Variants in ZNF793 observed in about 807,000 individuals in gnomAD.
ZNF793 encodes zinc finger protein 793.
ZNF793 carries 5 observed loss-of-function variants against 12.4 expected under a neutral mutation model. The ratio of observed to expected loss-of-function variants is 0.40; its 90% CI spans 0.21 to 0.84. ZNF793 has a LOEUF of 0.84. Ranked by LOEUF, ZNF793 falls within the 40% of genes least tolerant of loss-of-function variation. ZNF793 has a pLI of 0.35. For synonymous variants in ZNF793, 162 were observed against 172.4 expected, an observed-to-expected ratio of 0.94 and a Z score of 0.47; for missense variants, 456 against 495.0, an observed-to-expected ratio of 0.92 and a Z score of 0.75.
At position 37,538,914 on chromosome 19, in the gene ZNF793, T is replaced by G. The variant is rs961651952; in HGVS notation, c.*1035T>G. On this transcript the variant is annotated 3_prime_UTR_variant, in exon 8 of 8. Coordinates refer to ENST00000627814, the MANE Select transcript of ZNF793 (RefSeq NM_001013659.3). ...TGCCATTCAGAAAACTTTTCCACTT[T>G]AAATATCATCATTGTCTTTTGATGT... The G allele has an allele frequency of 6.6e-6, 1 of 152,228 alleles. No individual in the cohort carries two copies. Among genetic ancestry groups the G allele is most frequent in the Non-Finnish European group, 1.5e-5 (1 of 68,044 alleles). 9.4% of individuals were successfully genotyped at this position (152,228 alleles called of 1,614,324 possible).
chr19:37,533,183 T>G, intron 6 of ZNF793, 125 bp from the exon 7 acceptor site: 1 of 715,140 alleles, frequency 1.4e-6, no homozygotes, highest in South Asian at 1.8e-5. Flanking sequence ...CATTTGGTTC[T>G]GGACAAGGTG....
Position 37,542,688 on chromosome 19 carries a change from T to G in ZNF793, c.*4809T>G, listed in dbSNP as rs972191849. ...GGTGGACAAATTAAAACTATGCTAG[T>G]GGACTTGAGTGGAATTCCACAATGT... On this transcript the variant is annotated 3_prime_UTR_variant, in exon 8 of 8. Coordinates refer to ENST00000627814, the MANE Select transcript of ZNF793 (RefSeq NM_001013659.3). 5.6e-6 allele frequency: 1 copy of G among 177,006 alleles called. No individual in the cohort carries two copies. Among genetic ancestry groups the G allele is most frequent in the Non-Finnish European group, 1.2e-5 (1 of 81,438 alleles). 11.0% of individuals were successfully genotyped at this position (177,006 alleles called of 1,614,324 possible).
intron 2 of ZNF793, among the ~76,000 whole-genome samples, chr19:37,511,626 G>T (rs960557067): frequency 6.6e-6 from 1 of 152,148 alleles, no homozygotes; most frequent in African/African-American, 2.4e-5. Flanking sequence ...AGCTGAGATT[G>T]CACCACTGCA....
At chr19:37,518,459 T>TAA (rs1179462865) in intron 2 of ZNF793, among the ~76,000 whole-genome samples, 1 of 151,930 alleles carries the variant, frequency 6.6e-6, no homozygotes, top group Non-Finnish European at 1.5e-5. Context: ...TGCCTTGTGT[T>TAA]CCATTCTGTG....
rs1286435241 is a variant in ZNF793 at position 37,542,093 on chromosome 19, GAAAT to G, written c.*4215_*4218del. The G allele has an allele frequency of 6.5e-6, 1 of 153,436 alleles. No individual in the cohort carries two copies. The highest frequency in any genetic ancestry group is 2.4e-5 in the African/African-American group (1 of 41,444). 9.5% of individuals were successfully genotyped at this position (153,436 alleles called of 1,614,324 possible). A position where few individuals can be genotyped will look rare whatever the true frequency, so the allele number is the denominator to read the frequency against. Reference sequence around the variant, plus strand: ...ACAATGCAAATTACTGTTTTGGAAAGAAATCTGGTAATATTTAGGCTGGGCGTGG... The same window carrying G: ...ACAATGCAAATTACTGTTTTGGAAAGCTGGTAATATTTAGGCTGGGCGTGG... On this transcript the variant is annotated 3_prime_UTR_variant, in exon 8 of 8. Coordinates refer to ENST00000627814, the MANE Select transcript of ZNF793 (RefSeq NM_001013659.3).
intron 3 of ZNF793, among the ~76,000 whole-genome samples, chr19:37,521,953 A>T (rs1232229368): frequency 6.6e-6 from 1 of 152,096 alleles, no homozygotes; most frequent in African/African-American, 2.4e-5. Flanking sequence ...ACTACTTAAG[A>T]CTAACTTGCA....
chr19:37,537,676 C>T lies in ZNF793; in HGVS notation c.1018C>T (p.Arg340Cys), dbSNP rs751883374. ...AATGCACACAGGAGAAAGACCGTAT[C>T]GTTGCAGAGAATGTGGAAAATCCTT... ...RKMHTGERPY[R>C]CRECGKSFSQ... The change falls in exon 8 of 8, where the codon CGT becomes TGT. Residue 340 changes from arginine to cysteine, a missense_variant. Arg to Cys is a radical substitution (Grantham distance 180). Transcript: ENST00000627814. 2.4e-5 allele frequency: 39 copies of T among 1,613,464 alleles called. No individual in the cohort carries two copies. Among genetic ancestry groups the T allele is most frequent in the Admixed American group, 5.0e-5 (3 of 59,972 alleles).
intron 5 of ZNF793, among the ~76,000 whole-genome samples, chr19:37,529,994 T>C (rs62111483): frequency 2.6e-5 from 4 of 151,904 alleles, no homozygotes; most frequent in Non-Finnish European, 5.9e-5. Flanking sequence ...TTCTTGGGTG[T>C]TTCTCGGTGA....
chr19:37,537,078 C>A lies in ZNF793; in HGVS notation c.420C>A (p.Asn140Lys). The change falls in exon 8 of 8, where the codon AAC becomes AAA. Residue 140 changes from asparagine to lysine, a missense_variant. Asn to Lys is a moderately conservative substitution (Grantham distance 94, BLOSUM62 0). Coordinates refer to ENST00000627814, the MANE Select transcript of ZNF793 (RefSeq NM_001013659.3). ...CAATCCAGAGCCCTAGTAACTGGAA[C>A]CCTTGTGGAAAGAATTTGAACCATA... ...FSSIQSPSNWNPCGKNLNHNL... is the reference protein window; with the variant it reads ...FSSIQSPSNWKPCGKNLNHNL... 6.2e-7 allele frequency: 1 copy of A among 1,613,700 alleles called. No homozygotes were observed. The highest frequency in any genetic ancestry group is 8.5e-7 in the Non-Finnish European group (1 of 1,179,762).
chr19:37,529,949 G>A (rs1235029598), intron 5 of ZNF793, among the ~76,000 whole-genome samples: 3 of 151,916 alleles, frequency 2.0e-5, no homozygotes, highest in Non-Finnish European at 2.9e-5. Flanking sequence ...GGAGGATCCC[G>A]CCAGCCTCTG....
At chr19:37,513,259 A>G (rs890562755) in intron 2 of ZNF793, among the ~76,000 whole-genome samples, 3 of 152,202 alleles carry the variant, frequency 2.0e-5, no homozygotes, top group Non-Finnish European at 4.4e-5. Flanking sequence ...TTCATCCACT[A>G]GAGTTAGTAT....
rs2042554830 is a variant in ZNF793, at chr19:37,541,977, A to C, written c.*4098A>C. ...TAGTCACTGGGGGATGCAGATTTAAAGTTAAAATCAAATAACACTGTGTAA... is the reference window on the plus strand; with the variant it reads ...TAGTCACTGGGGGATGCAGATTTAACGTTAAAATCAAATAACACTGTGTAA... On this transcript the variant is annotated 3_prime_UTR_variant, in exon 8 of 8. Coordinates refer to ENST00000627814, the MANE Select transcript of ZNF793 (RefSeq NM_001013659.3). The C allele has an allele frequency of 6.6e-6, 1 of 152,392 alleles. No individual in the cohort carries two copies. The highest frequency in any genetic ancestry group is 2.1e-4 in the South Asian group (1 of 4,840). The allele number at this position is 152,392 out of a possible 1,614,324, so 9.4% of individuals were successfully genotyped here. A position where few individuals can be genotyped will look rare whatever the true frequency, so the allele number is the denominator to read the frequency against.
intron 2 of ZNF793, among the ~76,000 whole-genome samples, chr19:37,511,022 C>T (rs1263390070): frequency 6.6e-6 from 1 of 151,996 alleles, no homozygotes; most frequent in African/African-American, 2.4e-5. Flanking sequence ...AAAATTGAGG[C>T]ATAATACACA....
At chr19:37,513,217 A>G (rs1396498595) in intron 2 of ZNF793, among the ~76,000 whole-genome samples, 1 of 152,168 alleles carries the variant, frequency 6.6e-6, no homozygotes, top group East Asian at 1.9e-4. Context: ...TTGTAGAGAG[A>G]TATTTTGAGA....
intron 5 of ZNF793, among the ~76,000 whole-genome samples, chr19:37,530,893 TTC>T (rs1349815496): frequency 6.6e-6 from 1 of 152,254 alleles, no homozygotes; most frequent in Non-Finnish European, 1.5e-5. Flanking sequence ...CCTCTATTTC[TTC>T]TTTCCTCTCT....
rs2042547498 is a variant in ZNF793, at chr19:37,540,854, C to T, written c.*2975C>T. The T allele has an allele frequency of 6.6e-6, 1 of 151,728 alleles. No homozygotes were observed. The highest frequency in any genetic ancestry group is 2.4e-5 in the African/African-American group (1 of 41,302). 9.4% of individuals were successfully genotyped at this position (151,728 alleles called of 1,614,324 possible). A position where few individuals can be genotyped will look rare whatever the true frequency, so the allele number is the denominator to read the frequency against. On this transcript the variant is annotated 3_prime_UTR_variant, in exon 8 of 8. Coordinates refer to ENST00000627814, the MANE Select transcript of ZNF793 (RefSeq NM_001013659.3). ...TTTATATGTACTTCTTTTGGAATTA[C>T]ACTAAATCTCAATGATTTTTTGACA... is the stretch of plus-strand genomic sequence containing the variant.
In ZNF793 at chr19:37,533,499, C is replaced by T. The variant is rs1202172376; in HGVS notation, c.238+96C>T. ...TTCTCTTAAAAGCCTTGAAAGTCCT[C>T]CGAGAGCTTCAGCCACGTTAATGAC... On this transcript the variant is annotated intron_variant, in intron 7 of 7. Transcript: ENST00000627814. The T allele has an allele frequency of 4.7e-6, 5 of 1,062,152 alleles. No homozygotes were observed. The African/African-American group carries it at 6.3e-5, about 13-fold the overall frequency. 65.8% of individuals were successfully genotyped at this position (1,062,152 alleles called of 1,614,324 possible).
chr19:37,541,694 G>GA lies in ZNF793; in HGVS notation c.*3825dup, dbSNP rs543662846. On this transcript the variant is annotated 3_prime_UTR_variant, in exon 8 of 8. Coordinates refer to ENST00000627814, the MANE Select transcript of ZNF793 (RefSeq NM_001013659.3). ...ACTCCATCTCAGAAAAAAAGAAAAA[G>GA]AAAAAAAAAAGGAAACAAACATTTG... is the stretch of plus-strand genomic sequence containing the variant. 21 of 145,564 alleles carry GA rather than the reference G, an allele frequency of 1.4e-4. No individual in the cohort carries two copies. The highest frequency in any genetic ancestry group is 6.0e-4 in the East Asian group (3 of 4,978). The allele number at this position is 145,564 out of a possible 1,614,324, so 9.0% of individuals were successfully genotyped here. A position where few individuals can be genotyped will look rare whatever the true frequency, so the allele number is the denominator to read the frequency against.
At chr19:37,527,130 G>C (rs940512396) in intron 5 of ZNF793, among the ~76,000 whole-genome samples, 3 of 152,044 alleles carry the variant, frequency 2.0e-5, no homozygotes, top group African/African-American at 7.2e-5. Context: ...TGTCTTTTTG[G>C]TAGAGATGGG....
Sources: allele counts gnomAD v4.1 joint callset (sites outside exome capture counted in the v4.1 genomes callset), GRCh38; gene constraint gnomAD v4.1.1; transcripts MANE v1.5; gene names NCBI Gene and HGNC (gene_info 2026-07-23, HGNC 2026-07-21).